The following LRRC4B variants were observed in gnomAD, a reference collection of about 807,000 sequenced individuals.
LRRC4B encodes the protein leucine-rich repeat-containing protein 4B.
Under a neutral mutation model 7.3 loss-of-function variants are expected in LRRC4B, and 1 was observed. The ratio of observed to expected loss-of-function variants is 0.14; its 90% confidence interval spans 0.05 to 0.65. The LOEUF (loss-of-function observed/expected upper bound fraction) is 0.65, where lower values mean the gene tolerates loss of function less well. Ranked by LOEUF, LRRC4B falls within the 30% of genes least tolerant of loss-of-function variation. LRRC4B has a pLI of 0.84. For synonymous variants in LRRC4B, 500 were observed against 499.2 expected, an observed-to-expected ratio of 1.00 and a Z score of -0.02; for missense variants, 730 against 1,041.6, an observed-to-expected ratio of 0.70 and a Z score of 4.12.
intron 1 of LRRC4B, among the ~76,000 whole-genome samples, chr19:50,565,052 C>A (rs1478927193): frequency 6.6e-6 from 1 of 152,178 alleles, no homozygotes; most frequent in Non-Finnish European, 1.5e-5. Context: ...CGAGGAGGTC[C>A]CTGAGGAGCC....
intron 2 of LRRC4B, among the ~76,000 whole-genome samples, chr19:50,532,738 T>C (rs1981111889): frequency 6.6e-6 from 1 of 152,212 alleles, no homozygotes. Context: ...GAGTAGAGAC[T>C]GTGTTGGGGC....
intron 1 of LRRC4B, among the ~76,000 whole-genome samples, chr19:50,565,589 C>T (rs932288827): frequency 2.0e-5 from 3 of 151,374 alleles, no homozygotes; most frequent in African/African-American, 4.9e-5. Context: ...TTTGCCTCCA[C>T]GTGCCCCGTG....
Position 50,519,013 on chromosome 19 carries a change from G to C in LRRC4B, c.700C>G (p.Leu234Val). 6.2e-7 allele frequency: 1 copy of C among 1,612,036 alleles called. No individual in the cohort carries two copies. Among genetic ancestry groups the C allele is most frequent in the Non-Finnish European group, 8.5e-7 (1 of 1,179,778 alleles). Residue 234 changes from leucine to valine, a missense_variant, in exon 3 of 3, where the codon CTG (leucine) becomes GTG (valine). By Grantham distance (32) the Leu-to-Val change is conservative. Around this residue, in one of 6 missense-constraint regions of LRRC4B, gnomAD observed 226 missense variants for 448.0 expected, o/e 0.50. Transcript: ENST00000652263. The surrounding 1 kb of genome is among the most constrained non-coding windows in gnomAD (Gnocchi z 8.1). Reference protein sequence around the residue: ...NLTALVRLEELELSGNRLDLI... With the variant: ...NLTALVRLEEVELSGNRLDLI... ...TCCAGCCGGTTGCCCGACAGCTCCA[G>C]CTCCTCCAGGCGCACCAGGGCCGTC...
Position 50,519,029 on chromosome 19 carries a change from C to A in LRRC4B, c.684G>T (p.Leu228=). The change falls in exon 3 of 3, where the codon CTG becomes CTT. Residue 228 remains leucine, a synonymous_variant. Transcript: ENST00000652263. The surrounding 1 kb of genome is among the most constrained non-coding windows in gnomAD (Gnocchi z 8.1). The part of the protein sequence containing the change: ...NLKDIPNLTA[L]VRLEELELSG... The stretch of plus-strand genomic sequence containing the variant: ...ACAGCTCCAGCTCCTCCAGGCGCAC[C>A]AGGGCCGTCAGGTTGGGGATGTCCT... 6.2e-7 allele frequency: 1 copy of A among 1,611,168 alleles called. No individual in the cohort carries two copies.
In LRRC4B at chr19:50,535,372, AAGT is replaced by A. The variant is rs1463333759; in HGVS notation, c.297+13167_297+13169del. 2.0e-5 allele frequency among the ~76,000 whole-genome samples: 3 copies of A among 151,262 alleles called. No homozygotes were observed. The East Asian group carries it at 5.9e-4, about 30-fold the overall frequency. The stretch of plus-strand genomic sequence containing the variant: ...ATTTTAGTAGAGACAAGGTTTCACC[AAGT>A]TGGCCGGGCTGGTCTCCAACTCCTG... On this transcript the variant is annotated intron_variant, in intron 2 of 2. Transcript: ENST00000652263.
intron 2 of LRRC4B, among the ~76,000 whole-genome samples, chr19:50,547,654 CTAGTGG>C (rs1568730621): frequency 6.8e-6 from 1 of 147,946 alleles, no homozygotes; most frequent in Non-Finnish European, 1.5e-5. Context: ...CTACTGGCAT[CTAGTGG>C]CCGGAAATGC....
Position 50,518,735 on chromosome 19 carries a change from G to A in LRRC4B, c.978C>T (p.Leu326=). ...TCGTGTTGCTGGGCACCGTCTCCTT[G>A]AGCCACCAGCTCAGCCAGAGCACGT... ...NCDVLWLSWW[L]KETVPSNTTC... The change falls in exon 3 of 3, where the codon CTC becomes CTT. Residue 326 remains leucine (L), a synonymous_variant. Coordinates refer to ENST00000652263, the MANE Select transcript of LRRC4B (RefSeq NM_001080457.2). 6.2e-7 allele frequency: 1 copy of A among 1,614,016 alleles called. No individual in the cohort carries two copies. Among genetic ancestry groups the A allele is most frequent in the Non-Finnish European group, 8.5e-7 (1 of 1,179,978 alleles).
intron 2 of LRRC4B, among the ~76,000 whole-genome samples, chr19:50,547,419 G>A (rs143925444): frequency 1.2e-3 from 190 of 152,142 alleles, no homozygotes; most frequent in African/African-American, 4.3e-3. Flanking sequence ...GACAGACCAG[G>A]CAGAAAAGCA....
intron 2 of LRRC4B, among the ~76,000 whole-genome samples, chr19:50,520,871 C>T (rs531077630): frequency 2.1e-4 from 32 of 152,264 alleles, no homozygotes; most frequent in Middle Eastern, 3.4e-3. Context: ...CCATCCGACC[C>T]GGCTGTTCCA....
At chr19:50,567,569 C>A (rs1982671568) in intron 1 of LRRC4B, among the ~76,000 whole-genome samples, 1 of 149,924 alleles carries the variant, frequency 6.7e-6, no homozygotes, top group African/African-American at 2.5e-5. Context: ...AGAGGAAGAA[C>A]CTGGACTCCC....
Position 50,553,861 on chromosome 19 carries a change from C to T in LRRC4B, c.-35-4988G>A, listed in dbSNP as rs764929831. 3.9e-5 allele frequency among the ~76,000 whole-genome samples: 6 copies of T among 151,992 alleles called. No homozygotes were observed. The highest frequency in any genetic ancestry group is 7.4e-5 in the Non-Finnish European group (5 of 68,014). On this transcript the variant is annotated intron_variant, in intron 1 of 2. Coordinates refer to ENST00000652263, the MANE Select transcript of LRRC4B (RefSeq NM_001080457.2). This position sits in a 1 kb window ranked among gnomAD's most constrained non-coding sequence, Gnocchi z 4.2. ...TCCCCCCACGCTCACACACAGATAC[C>T]CCCACTCTCCGTTCTGCACACCGAG...
intron 2 of LRRC4B, among the ~76,000 whole-genome samples, chr19:50,546,519 G>T (rs1017067148): frequency 5.3e-5 from 8 of 152,110 alleles, no homozygotes; most frequent in Admixed American, 2.0e-4. Context: ...GTGGGGCAGG[G>T]GGCGGTGCAA....
At chr19:50,520,203 CAAAAAAAAAAAAAAAAAAAAAAAA>C (rs1173919963) in intron 2 of LRRC4B, among the ~76,000 whole-genome samples, 6 of 9,382 alleles carry the variant, frequency 6.4e-4, no homozygotes, top group Non-Finnish European at 1.1e-3. Flanking sequence ...AATACCCTGT[CAAAAAAAAAAAAAAAAAAAAAAAA>C]AAAAAAAAAA....
At chr19:50,539,969 C>G (rs927575172) in intron 2 of LRRC4B, among the ~76,000 whole-genome samples, 1 of 151,748 alleles carries the variant, frequency 6.6e-6, no homozygotes, top group Non-Finnish European at 1.5e-5. Flanking sequence ...AATTAAATAT[C>G]CCTGTAATAC....
intron 1 of LRRC4B, among the ~76,000 whole-genome samples, chr19:50,559,525 C>T (rs1329888000): frequency 6.6e-6 from 1 of 152,242 alleles, no homozygotes; most frequent in Non-Finnish European, 1.5e-5. Flanking sequence ...GAACTGAATT[C>T]ACCCCAGAAG....
intron 1 of LRRC4B, among the ~76,000 whole-genome samples, chr19:50,559,947 C>T (rs1982412527): frequency 6.6e-6 from 1 of 152,088 alleles, no homozygotes; most frequent in Non-Finnish European, 1.5e-5. Context: ...CCAGCCTGAC[C>T]AACATGGTGA....
At chr19:50,530,355 G>A (rs756486330) in intron 2 of LRRC4B, among the ~76,000 whole-genome samples, 3 of 152,094 alleles carry the variant, frequency 2.0e-5, no homozygotes, top group Non-Finnish European at 4.4e-5. Flanking sequence ...CCCCTCACTC[G>A]CAGCCCTCAC....
chr19:50,517,981 T>C lies in LRRC4B; in HGVS notation c.1732A>G (p.Ile578Val). 1 of 1,539,336 alleles carries C rather than the reference T, an allele frequency of 6.5e-7. No homozygotes were observed. Among genetic ancestry groups the C allele is most frequent in the East Asian group, 2.3e-5 (1 of 44,046 alleles). Residue 578 changes from isoleucine (I) to valine (V), a missense_variant, in exon 3 of 3, where the codon ATC becomes GTC. Physicochemically the swap from Ile to Val is conservative, Grantham distance 29. This residue lies in a region of LRRC4B where 4 missense variants were observed against 24.1 expected (regional missense o/e 0.17). Transcript: ENST00000652263. This position sits in a 1 kb window ranked among gnomAD's most constrained non-coding sequence, Gnocchi z 6.6. The stretch of plus-strand genomic sequence containing the variant: ...GTGATGGCCACGAAGCAGCCGATGA[T>C]GATTTTGGTGGTCTTCATGACGTCG... ...LDDVMKTTKI[I>V]IGCFVAITFM... is the part of the protein sequence containing the mutation.
At chr19:50,526,182 GAC>G (rs1249254423) in intron 2 of LRRC4B, among the ~76,000 whole-genome samples, 14 of 152,168 alleles carry the variant, frequency 9.2e-5, no homozygotes, top group African/African-American at 2.9e-4. Context: ...GAGCCCATAA[GAC>G]ACAGTCTCTG....
Sources: allele counts gnomAD v4.1 joint callset (sites outside exome capture counted in the v4.1 genomes callset), GRCh38; gene constraint gnomAD v4.1.1; regional missense constraint gnomAD v4.1.1; non-coding constraint Gnocchi (gnomAD v3.1); transcripts MANE v1.5; gene names NCBI Gene and HGNC (gene_info 2026-07-23, HGNC 2026-07-21).